The following RNLS variants were observed in gnomAD, a reference collection of about 807,000 sequenced individuals.
The protein encoded by RNLS is renalase, FAD dependent amine oxidase.
In RNLS, 39 loss-of-function variants were observed where a neutral mutation model predicts 39.8. That is an observed-to-expected ratio of 0.98 (90% CI 0.76 to 1.28). RNLS has a LOEUF of 1.28. RNLS is among the 50% of genes most tolerant of loss of function. RNLS has a pLI of 0.00. For missense variants in RNLS, 410 were observed against 413.3 expected (o/e 0.99, Z 0.07); for synonymous variants, 147 against 150.7 (o/e 0.98, Z 0.18).
At chr10:88,193,064 T>A in the RNLS span, among the ~76,000 whole-genome samples, 45 of 152,276 alleles carry the variant, frequency 3.0e-4, no homozygotes, top group Non-Finnish European at 3.1e-4. Flanking sequence ...CTGAGGTTAA[T>A]GAGAGCCAGG....
At chr10:88,442,150 G>A (rs1564801806) in intron 4 of RNLS, among the ~76,000 whole-genome samples, 1 of 152,158 alleles carries the variant, frequency 6.6e-6, no homozygotes, top group Non-Finnish European at 1.5e-5. Context: ...CAGAAAAGGA[G>A]TTATAATTCT....
chr10:88,549,148 T>A (rs1165242484), intron 4 of RNLS, among the ~76,000 whole-genome samples: 1 of 152,232 alleles, frequency 6.6e-6, no homozygotes, highest in Non-Finnish European at 1.5e-5. Context: ...TAAAACTTGG[T>A]TCCACATTTC....
intron 4 of RNLS, among the ~76,000 whole-genome samples, chr10:88,477,751 C>G (rs1350492307): frequency 2.0e-5 from 3 of 152,152 alleles, no homozygotes; most frequent in African/African-American, 7.2e-5. Context: ...CTATCATGAT[C>G]TTTGTTTCAC....
At chr10:88,575,159 T>TATACACACAC (rs1386414416) in intron 3 of RNLS, among the ~76,000 whole-genome samples, 1 of 43,388 alleles carries the variant, frequency 2.3e-5, no homozygotes, top group African/African-American at 8.7e-5. Flanking sequence ...TATATATATA[T>TATACACACAC]ACACACACAC....
At chr10:88,218,557 G>A in the RNLS span, among the ~76,000 whole-genome samples, 1 of 152,248 alleles carries the variant, frequency 6.6e-6, no homozygotes, top group South Asian at 2.1e-4. Flanking sequence ...ACGGCTGGCT[G>A]GGCCCTGGAA....
At chr10:88,464,047 C>T (rs1299662102) in intron 4 of RNLS, among the ~76,000 whole-genome samples, 1 of 151,956 alleles carries the variant, frequency 6.6e-6, no homozygotes. Context: ...GGAGTCTAGC[C>T]TCATTTTGGT....
At chr10:88,274,728 T>A in exon 7 of RNLS, 1 of 416,798 alleles carries the variant, frequency 2.4e-6, no homozygotes, top group Non-Finnish European at 4.5e-6. Flanking sequence ...CTGCAGATCA[T>A]ACAGCAATTC....
intron 5 of RNLS, among the ~76,000 whole-genome samples, chr10:88,335,783 GTTGA>G (rs1266327927): frequency 4.7e-4 from 71 of 152,164 alleles, no homozygotes; most frequent in African/African-American, 1.6e-3. Flanking sequence ...CTCACTATGG[GTTGA>G]TTTTTAGCAA....
intron 4 of RNLS, among the ~76,000 whole-genome samples, chr10:88,569,527 T>A (rs905180812): frequency 6.6e-6 from 1 of 152,072 alleles, no homozygotes; most frequent in South Asian, 2.1e-4. Flanking sequence ...TAAATAGAAA[T>A]TCATACAGAG....
chr10:88,406,410 G>C (rs1158562314), intron 4 of RNLS, among the ~76,000 whole-genome samples: 1 of 152,050 alleles, frequency 6.6e-6, no homozygotes, highest in Non-Finnish European at 1.5e-5. Context: ...CAGAGGCTTT[G>C]TTCATATTTT....
the RNLS span, among the ~76,000 whole-genome samples, chr10:88,190,804 A>G: frequency 6.6e-6 from 1 of 152,160 alleles, no homozygotes; most frequent in Non-Finnish European, 1.5e-5. Flanking sequence ...TGAAACAATC[A>G]TCTCAGAGTT....
intron 6 of RNLS, among the ~76,000 whole-genome samples, chr10:88,301,029 A>G (rs1357866598): frequency 6.6e-6 from 1 of 152,202 alleles, no homozygotes; most frequent in East Asian, 1.9e-4. Flanking sequence ...TGCCAATGAC[A>G]CAGACTCCTT....
At chr10:88,508,594 T>A (rs1283465399) in intron 4 of RNLS, among the ~76,000 whole-genome samples, 2 of 152,164 alleles carry the variant, frequency 1.3e-5, no homozygotes, top group Non-Finnish European at 2.9e-5. Flanking sequence ...TGGCAGTGGC[T>A]GTAGCAGCCC....
chr10:88,475,520 A>G (rs1370881138), intron 4 of RNLS, among the ~76,000 whole-genome samples: 1 of 152,090 alleles, frequency 6.6e-6, no homozygotes, highest in African/African-American at 2.4e-5. Context: ...CTTTTCTTCT[A>G]ACTTCTATTA....
Position 88,343,718 on chromosome 10 carries a change from T to C in RNLS, c.700+18834A>G, listed in dbSNP as rs80047083. ...TTCAGGATCTGTTTGGGAGAAGATT[T>C]TCTTTGGCCGACACCTCCCAAGCTT... is the stretch of plus-strand genomic sequence containing the variant. On this transcript the variant is annotated intron_variant, in intron 5 of 6. Coordinates refer to ENST00000331772, the MANE Select transcript of RNLS (RefSeq NM_001031709.3). The C allele has an allele frequency of 2.4e-4, 234 of 985,402 alleles. 2 individuals are homozygous for C. The African/African-American group carries it at 3.9e-3, about 17-fold the overall frequency. The allele number at this position is 985,402 out of a possible 1,614,324, so 61.0% of individuals were successfully genotyped here.
intron 4 of RNLS, among the ~76,000 whole-genome samples, chr10:88,397,255 A>G (rs1168023618): frequency 6.6e-6 from 1 of 152,012 alleles, no homozygotes; most frequent in Non-Finnish European, 1.5e-5. Flanking sequence ...AAGAATTAAA[A>G]TGATAAAAAG....
chr10:88,268,914 G>A (rs1842574976), downstream of RNLS, among the ~76,000 whole-genome samples: 1 of 152,190 alleles, frequency 6.6e-6, no homozygotes, highest in Non-Finnish European at 1.5e-5. Context: ...CAGGCTTAGG[G>A]GTTCTGACCA....
In RNLS at chr10:88,446,984, A is replaced by C. The variant is rs184356309; in HGVS notation, c.527-84259T>G. Reference sequence around the variant, plus strand: ...GCAGCCCTTCAGGCTAAAAACTCTCAATAAATTAGGTATTGATGGGATGTA... The same window carrying C: ...GCAGCCCTTCAGGCTAAAAACTCTCCATAAATTAGGTATTGATGGGATGTA... On this transcript the variant is annotated intron_variant, in intron 4 of 6. Transcript: ENST00000331772. Among the ~76,000 whole-genome samples the C allele has an allele frequency of 6.9e-3, 1,045 of 152,372 alleles. 11 individuals carry two copies. Among genetic ancestry groups the C allele is most frequent in the African/African-American group, 0.024 (990 of 41,588 alleles).
intron 4 of RNLS, among the ~76,000 whole-genome samples, chr10:88,416,529 A>C (rs1854040853): frequency 6.6e-6 from 1 of 152,196 alleles, no homozygotes; most frequent in South Asian, 2.1e-4. Context: ...CTGGGATTAC[A>C]GGAGTGAGCC....
Sources: allele counts gnomAD v4.1 joint callset (sites outside exome capture counted in the v4.1 genomes callset), GRCh38; gene constraint gnomAD v4.1.1; transcripts MANE v1.5; gene names NCBI Gene and HGNC (gene_info 2026-07-23, HGNC 2026-07-21).